The following ST6GALNAC3 variants were observed in gnomAD, a reference collection of about 807,000 sequenced individuals.
The protein encoded by ST6GALNAC3 is alpha-N-acetylgalactosaminide alpha-2,6-sialyltransferase 3.
ST6GALNAC3 carries 25 observed loss-of-function variants against 32.7 expected under a neutral mutation model. The observed-to-expected ratio is 0.76, with a 90% CI of 0.56 to 1.07. The LOEUF (loss-of-function observed/expected upper bound fraction) is 1.07, where lower values mean the gene tolerates loss of function less well. Among genes scored for constraint, ST6GALNAC3 ranks in the 50% least tolerant of loss-of-function variants. The probability of loss-of-function intolerance (pLI) is 0.00; values close to 1 mark genes in which losing one functional copy is unlikely to be tolerated. For missense variants in ST6GALNAC3, 355 were observed against 382.4 expected, an observed-to-expected ratio of 0.93 and a Z score of 0.60; for synonymous variants, 129 against 133.1, an observed-to-expected ratio of 0.97 and a Z score of 0.21.
chr1:76,614,495 A>G (rs559655532), intron 3 of ST6GALNAC3, among the ~76,000 whole-genome samples: 50 of 152,086 alleles, frequency 3.3e-4, no homozygotes, highest in East Asian at 7.8e-4. Context: ...CGAGGCGGGC[A>G]GATCACGAGG....
At position 76,354,499 on chromosome 1, in the gene ST6GALNAC3, A is replaced by C. The variant is rs144948281; in HGVS notation, c.213+40500A>C. Among the ~76,000 whole-genome samples, 384 of 152,310 alleles carry C rather than the reference A, an allele frequency of 2.5e-3. 2 individuals carry two copies. Among genetic ancestry groups the C allele is most frequent in the African/African-American group, 8.4e-3 (351 of 41,578 alleles). On this transcript the variant is annotated intron_variant, in intron 2 of 4. Transcript: ENST00000328299. ...TTTTATGTAATAGATTTTTGGCTTA[A>C]TTCTCATGGAGTCAAATGATGAATG...
intron 2 of ST6GALNAC3, among the ~76,000 whole-genome samples, chr1:76,374,158 T>A (rs968627068): frequency 3.9e-5 from 6 of 152,214 alleles, no homozygotes; most frequent in African/African-American, 1.2e-4. Flanking sequence ...ATATAGGGCT[T>A]TTTATCTTCA....
intron 1 of ST6GALNAC3, among the ~76,000 whole-genome samples, chr1:76,255,475 G>C (rs1570596202): frequency 6.6e-6 from 1 of 152,214 alleles, no homozygotes; most frequent in East Asian, 1.9e-4. Flanking sequence ...TGTCTGGAGA[G>C]AGAGAAAATG....
intron 2 of ST6GALNAC3, among the ~76,000 whole-genome samples, chr1:76,402,215 G>T (rs952720863): frequency 6.6e-6 from 1 of 152,094 alleles, no homozygotes; most frequent in African/African-American, 2.4e-5. Flanking sequence ...CAGCTTTCCT[G>T]GAGCCTATCC....
intron 3 of ST6GALNAC3, among the ~76,000 whole-genome samples, chr1:76,447,749 G>T (rs755799707): frequency 2.6e-5 from 4 of 152,186 alleles, no homozygotes; most frequent in Non-Finnish European, 4.4e-5. Context: ...AGCCTTGGCA[G>T]CTTCCATGTG....
chr1:76,359,075 A>G (rs1649722768), intron 2 of ST6GALNAC3, among the ~76,000 whole-genome samples: 1 of 152,158 alleles, frequency 6.6e-6, no homozygotes, highest in African/African-American at 2.4e-5. Flanking sequence ...GAAGAAGGAG[A>G]GCTGCAAGAC....
At chr1:76,162,537 G>A (rs955276775) in intron 1 of ST6GALNAC3, among the ~76,000 whole-genome samples, 3 of 152,158 alleles carry the variant, frequency 2.0e-5, no homozygotes, top group Non-Finnish European at 2.9e-5. Context: ...GTATAATGGG[G>A]GAATAATGGT....
intron 2 of ST6GALNAC3, among the ~76,000 whole-genome samples, chr1:76,393,800 G>A (rs950357125): frequency 4.6e-5 from 7 of 152,132 alleles, no homozygotes; most frequent in African/African-American, 1.4e-4. Flanking sequence ...CTCCCAAGAA[G>A]TGTGGATCCT....
intron 1 of ST6GALNAC3, among the ~76,000 whole-genome samples, chr1:76,161,681 C>G (rs943960276): frequency 1.3e-5 from 2 of 152,176 alleles, no homozygotes; most frequent in Non-Finnish European, 2.9e-5. Flanking sequence ...AAGAGCTTTA[C>G]ATTTCTTTTT....
chr1:76,217,294 T>A (rs1021097789), intron 1 of ST6GALNAC3, among the ~76,000 whole-genome samples: 2 of 152,200 alleles, frequency 1.3e-5, no homozygotes, highest in Non-Finnish European at 2.9e-5. Context: ...AGAACTAGAT[T>A]TTTCTTTTAA....
intron 1 of ST6GALNAC3, among the ~76,000 whole-genome samples, chr1:76,214,976 T>C (rs1443023360): frequency 6.6e-6 from 1 of 152,174 alleles, no homozygotes; most frequent in African/African-American, 2.4e-5. Flanking sequence ...CATCCTCAAA[T>C]TGGGCATAAT....
intron 3 of ST6GALNAC3, among the ~76,000 whole-genome samples, chr1:76,624,231 C>T (rs1648822895): frequency 6.6e-6 from 1 of 151,878 alleles, no homozygotes; most frequent in Admixed American, 6.6e-5. Flanking sequence ...AGAAATAAAA[C>T]AAATCAGGTT....
At chr1:76,434,316 A>C (rs1369734510) in intron 3 of ST6GALNAC3, among the ~76,000 whole-genome samples, 2 of 152,324 alleles carry the variant, frequency 1.3e-5, no homozygotes, top group Middle Eastern at 3.4e-3. Flanking sequence ...TTGTGAACAT[A>C]GGCATGGTAT....
At chr1:76,506,955 C>T (rs1468218212) in intron 3 of ST6GALNAC3, among the ~76,000 whole-genome samples, 2 of 152,148 alleles carry the variant, frequency 1.3e-5, no homozygotes, top group African/African-American at 4.8e-5. Context: ...TCTTTGGGAA[C>T]AATGAAAAGT....
chr1:76,417,158 T>TA (rs1373310116), intron 3 of ST6GALNAC3, among the ~76,000 whole-genome samples: 3 of 152,038 alleles, frequency 2.0e-5, no homozygotes, highest in Admixed American at 2.0e-4. Context: ...AGAGAGCAGA[T>TA]AGAGTAGGTT....
chr1:76,575,232 C>A (rs1646782033), intron 3 of ST6GALNAC3, among the ~76,000 whole-genome samples: 1 of 152,084 alleles, frequency 6.6e-6, no homozygotes, highest in Non-Finnish European at 1.5e-5. Flanking sequence ...CAACATCTAT[C>A]ACAAACATAC....
intron 2 of ST6GALNAC3, among the ~76,000 whole-genome samples, chr1:76,353,411 C>T (rs1649162678): frequency 1.3e-5 from 2 of 152,242 alleles, no homozygotes; most frequent in South Asian, 4.1e-4. Context: ...AGTTGCCCTG[C>T]CCAACTTTTT....
At chr1:76,078,253 TAGAG>T (rs1010619604) in intron 1 of ST6GALNAC3, among the ~76,000 whole-genome samples, 46 of 152,218 alleles carry the variant, frequency 3.0e-4, no homozygotes, top group South Asian at 2.3e-3. Flanking sequence ...AAAACTGAGA[TAGAG>T]AGATATTGAT....
intron 2 of ST6GALNAC3, among the ~76,000 whole-genome samples, chr1:76,383,107 G>A (rs774871715): frequency 2.0e-5 from 3 of 152,158 alleles, no homozygotes; most frequent in African/African-American, 7.2e-5. Context: ...TCCAGAAGTC[G>A]ATGAAGTGGC....
Sources: gnomAD v4.1 joint callset for allele counts (sites outside exome capture counted in the v4.1 genomes callset) on GRCh38, gnomAD v4.1.1 for gene constraint, MANE v1.5 for transcripts, NCBI Gene and HGNC (gene_info 2026-07-23, HGNC 2026-07-21) for gene names.